Variants in SMAD2 observed in about 807,000 individuals in gnomAD.
The protein encoded by SMAD2 is SMAD family member 2.
SMAD2 carries 8 observed loss-of-function variants against 64.4 expected under a neutral mutation model. The observed-to-expected ratio is 0.12, with a 90% CI of 0.07 to 0.22. SMAD2 has a LOEUF of 0.22. Among genes scored for constraint, SMAD2 ranks in the 10% least tolerant of loss-of-function variants. SMAD2 has a pLI of 1.00. For synonymous variants in SMAD2, 203 were observed against 195.8 expected, an observed-to-expected ratio of 1.04 and a Z score of -0.31; for missense variants, 289 against 561.2, an observed-to-expected ratio of 0.51 and a Z score of 4.90.
rs991140384 is a variant in SMAD2 at position 47,821,064 on chromosome 18, C to T, written c.*20763G>A. 6 of 151,994 alleles carry T rather than the reference C, an allele frequency of 3.9e-5. No individual in the cohort carries two copies. Among genetic ancestry groups the T allele is most frequent in the Non-Finnish European group, 8.8e-5 (6 of 67,960 alleles). 9.4% of individuals were successfully genotyped at this position (151,994 alleles called of 1,614,324 possible). A position where few individuals can be genotyped will look rare whatever the true frequency, so the allele number is the denominator to read the frequency against. Reference sequence around the variant, plus strand: ...TTCTAAACCACAGTTTAAATTTCTGCCATATTTCCTTCTGAGATCCGTTTA... The same window carrying T: ...TTCTAAACCACAGTTTAAATTTCTGTCATATTTCCTTCTGAGATCCGTTTA... On this transcript the variant is annotated 3_prime_UTR_variant, in exon 11 of 11. Coordinates refer to ENST00000262160, the MANE Select transcript of SMAD2 (RefSeq NM_005901.6).
intron 6 of SMAD2, among the ~76,000 whole-genome samples, chr18:47,854,786 C>T (rs1286390747): frequency 6.6e-6 from 1 of 152,108 alleles, no homozygotes; most frequent in Non-Finnish European, 1.5e-5. Context: ...CCCTGCCCTG[C>T]TTCCCCAAAT....
At position 47,812,577 on chromosome 18, in the gene SMAD2, A is replaced by G. The variant is rs1204364465; in HGVS notation, c.*29250T>C. On this transcript the variant is annotated 3_prime_UTR_variant, in exon 11 of 11. Coordinates refer to ENST00000262160, the MANE Select transcript of SMAD2 (RefSeq NM_005901.6). ...CCATCAGATCCTGTGAGAATTCACTATCATGAGAACAGCATGGGAGAACCA... is the reference window on the plus strand; with the variant it reads ...CCATCAGATCCTGTGAGAATTCACTGTCATGAGAACAGCATGGGAGAACCA... 2 of 152,204 alleles carry G rather than the reference A, an allele frequency of 1.3e-5. No homozygotes were observed. The highest frequency in any genetic ancestry group is 1.3e-4 in the Admixed American group (2 of 15,282). 9.4% of individuals were successfully genotyped at this position (152,204 alleles called of 1,614,324 possible).
In SMAD2 at chr18:47,922,117, T is replaced by C. The variant is rs181144773; in HGVS notation, c.-54+8244A>G. On this transcript the variant is annotated intron_variant, in intron 1 of 10. Transcript: ENST00000262160. ...ATTAAATGTAGAAAGCAAAAGTAGATTGCACTTTTAAAAGGTATGGAGGGA... is the reference window on the plus strand; with the variant it reads ...ATTAAATGTAGAAAGCAAAAGTAGACTGCACTTTTAAAAGGTATGGAGGGA... Among the ~76,000 whole-genome samples, 649 of 152,330 alleles carry C rather than the reference T, an allele frequency of 4.3e-3. 17 individuals are homozygous for C. Among genetic ancestry groups the C allele is most frequent in the Admixed American group, 0.039 (604 of 15,304 alleles).
chr18:47,925,473 C>A (rs556105596), intron 1 of SMAD2, among the ~76,000 whole-genome samples: 1 of 152,256 alleles, frequency 6.6e-6, no homozygotes, highest in South Asian at 2.1e-4. Flanking sequence ...GCTATCTGAC[C>A]AAACTAAAGG....
chr18:47,915,413 A>T (rs1568112731), intron 1 of SMAD2, among the ~76,000 whole-genome samples: 2 of 152,210 alleles, frequency 1.3e-5, no homozygotes. Flanking sequence ...ATTCCATTTT[A>T]TGACTAGCAC....
In SMAD2 at chr18:47,824,014, T is replaced by C. The variant is rs1423426683; in HGVS notation, c.*17813A>G. 1 of 152,138 alleles carries C rather than the reference T, an allele frequency of 6.6e-6. No individual in the cohort carries two copies. The highest frequency in any genetic ancestry group is 1.5e-5 in the Non-Finnish European group (1 of 68,030). The allele number at this position is 152,138 out of a possible 1,614,324, so 9.4% of individuals were successfully genotyped here. A position where few individuals can be genotyped will look rare whatever the true frequency, so the allele number is the denominator to read the frequency against. On this transcript the variant is annotated 3_prime_UTR_variant, in exon 11 of 11. Coordinates refer to ENST00000262160, the MANE Select transcript of SMAD2 (RefSeq NM_005901.6). The stretch of plus-strand genomic sequence containing the variant: ...CTTAAAGCCTCCCTGCCCTCAAAGG[T>C]GGCTAAAAGGGTTTTAACACTGACT...
In SMAD2 at chr18:47,839,936, C is replaced by G. The variant is rs1913780095; in HGVS notation, c.*1891G>C. The G allele has an allele frequency of 4.3e-6, 1 of 233,046 alleles. No homozygotes were observed. Among genetic ancestry groups the G allele is most frequent in the Non-Finnish European group, 8.5e-6 (1 of 118,030 alleles). 14.4% of individuals were successfully genotyped at this position (233,046 alleles called of 1,614,324 possible). On this transcript the variant is annotated 3_prime_UTR_variant, in exon 11 of 11. Transcript: ENST00000262160. ...ATCTGTTATTCTCCAGTACAGTACC[C>G]TGTTTATCTCCTTCATAGACAAGTA...
At chr18:47,918,152 T>A (rs2034409700) in intron 1 of SMAD2, among the ~76,000 whole-genome samples, 1 of 152,228 alleles carries the variant, frequency 6.6e-6, no homozygotes, top group Non-Finnish European at 1.5e-5. Flanking sequence ...TTTCCGCCCC[T>A]ACTGTCTCTG....
At chr18:47,902,346 T>C (rs1312274411) in intron 1 of SMAD2, among the ~76,000 whole-genome samples, 4 of 152,230 alleles carry the variant, frequency 2.6e-5, no homozygotes, top group South Asian at 2.1e-4. Flanking sequence ...AGTTGTTTTA[T>C]TAAGAGTCTT....
rs1913910540 is a variant in SMAD2, at chr18:47,841,143, G to GT, written c.*683dup. The stretch of plus-strand genomic sequence containing the variant: ...GGTTTCCTTATAATAAGATTTAGCA[G>GT]TTAAAAAAAAAAACAAAAAAAAACA... On this transcript the variant is annotated 3_prime_UTR_variant, in exon 11 of 11. Coordinates refer to ENST00000262160, the MANE Select transcript of SMAD2 (RefSeq NM_005901.6). The GT allele has an allele frequency of 2.3e-5, 5 of 217,540 alleles. No homozygotes were observed. In the East Asian group the frequency reaches 3.1e-4, roughly 14 times the overall value. 13.5% of individuals were successfully genotyped at this position (217,540 alleles called of 1,614,324 possible). A position where few individuals can be genotyped will look rare whatever the true frequency, so the allele number is the denominator to read the frequency against.
rs749771211 is a variant in SMAD2 at position 47,833,597 on chromosome 18, C to T, written c.*8230G>A. ...ATGCCATCAGAGAAAAAAAATCTCACCTCACGTGCTCAATGTTCTAGCTGG... is the reference window on the plus strand; with the variant it reads ...ATGCCATCAGAGAAAAAAAATCTCATCTCACGTGCTCAATGTTCTAGCTGG... On this transcript the variant is annotated 3_prime_UTR_variant, in exon 11 of 11. Coordinates refer to ENST00000262160, the MANE Select transcript of SMAD2 (RefSeq NM_005901.6). 4.3e-6 allele frequency: 1 copy of T among 230,888 alleles called. No homozygotes were observed. Among genetic ancestry groups the T allele is most frequent in the Non-Finnish European group, 8.6e-6 (1 of 116,538 alleles). The allele number at this position is 230,888 out of a possible 1,614,324, so 14.3% of individuals were successfully genotyped here.
chr18:47,837,962 G>A lies in SMAD2; in HGVS notation c.*3865C>T, dbSNP rs1018250416. 4.7e-5 allele frequency: 11 copies of A among 232,330 alleles called. No individual in the cohort carries two copies. The highest frequency in any genetic ancestry group is 3.6e-4 in the South Asian group (2 of 5,514). The allele number at this position is 232,330 out of a possible 1,614,324, so 14.4% of individuals were successfully genotyped here. On this transcript the variant is annotated 3_prime_UTR_variant, in exon 11 of 11. Coordinates refer to ENST00000262160, the MANE Select transcript of SMAD2 (RefSeq NM_005901.6). Reference sequence around the variant, plus strand: ...CCTACGCCACCCTCAGACGAAGAGGGTATCTAACACTGAATAAATGCTGAA... The same window carrying A: ...CCTACGCCACCCTCAGACGAAGAGGATATCTAACACTGAATAAATGCTGAA...
intron 1 of SMAD2, among the ~76,000 whole-genome samples, chr18:47,905,770 A>C (rs1322226708): frequency 6.6e-6 from 1 of 152,206 alleles, no homozygotes; most frequent in African/African-American, 2.4e-5. Flanking sequence ...AGAGGAAAAC[A>C]CAGAATACAT....
chr18:47,830,479 A>C lies in SMAD2; in HGVS notation c.*11348T>G, dbSNP rs1912942773. 6.6e-6 allele frequency: 1 copy of C among 151,284 alleles called. No homozygotes were observed. Among genetic ancestry groups the C allele is most frequent in the South Asian group, 2.1e-4 (1 of 4,772 alleles). 9.4% of individuals were successfully genotyped at this position (151,284 alleles called of 1,614,324 possible). ...GTAATCCCAGCTACTCAGGAGGCTA[A>C]GGCAGGAGAATCACTTGAACCCAGG... On this transcript the variant is annotated 3_prime_UTR_variant, in exon 11 of 11. Transcript: ENST00000262160.
chr18:47,892,950 A>G (rs79075427), intron 2 of SMAD2, among the ~76,000 whole-genome samples: 3,441 of 152,294 alleles, frequency 0.023, 126 homozygotes, highest in African/African-American at 0.078. Context: ...TTTTAACTTT[A>G]CAGACCTCCA....
rs186082445 is a variant in SMAD2 at position 47,874,574 on chromosome 18, A to T, written c.237-4010T>A. Among the ~76,000 whole-genome samples the T allele has an allele frequency of 1.7e-4, 26 of 152,312 alleles. No individual in the cohort carries two copies. The East Asian group carries it at 5.0e-3, about 29-fold the overall frequency. On this transcript the variant is annotated intron_variant, in intron 2 of 10. Coordinates refer to ENST00000262160, the MANE Select transcript of SMAD2 (RefSeq NM_005901.6). ...AAAAACACAAAAGAATGCAAAGAAA[A>T]GTAAAAACCAAAACAGAAAAAGTCC...
rs1009084987 is a variant in SMAD2, at chr18:47,868,795, C to T, written c.521-338G>A. ...TCAGATATAGGAAATTTTCCAAAAA[C>T]GCAGCTACTGCTATATTTTTTAATA... On this transcript the variant is annotated intron_variant, in intron 4 of 10. Transcript: ENST00000262160. 1.1e-3 allele frequency among the ~76,000 whole-genome samples: 169 copies of T among 152,194 alleles called. 1 individual carries two copies. The highest frequency in any genetic ancestry group is 3.9e-3 in the African/African-American group (164 of 41,534).
At chr18:47,880,149 T>C (rs2032502353) in intron 2 of SMAD2, among the ~76,000 whole-genome samples, 1 of 152,238 alleles carries the variant, frequency 6.6e-6, no homozygotes, top group South Asian at 2.1e-4. Context: ...ATGTTTTGTA[T>C]ACCAATGGAG....
At position 47,819,749 on chromosome 18, in the gene SMAD2, T is replaced by C. The variant is rs1321965518; in HGVS notation, c.*22078A>G. 7.5e-6 allele frequency: 1 copy of C among 134,218 alleles called. No individual in the cohort carries two copies. The highest frequency in any genetic ancestry group is 1.5e-5 in the Non-Finnish European group (1 of 65,798). 8.3% of individuals were successfully genotyped at this position (134,218 alleles called of 1,614,324 possible). A position where few individuals can be genotyped will look rare whatever the true frequency, so the allele number is the denominator to read the frequency against. On this transcript the variant is annotated 3_prime_UTR_variant, in exon 11 of 11. Coordinates refer to ENST00000262160, the MANE Select transcript of SMAD2 (RefSeq NM_005901.6). Reference sequence around the variant, plus strand: ...AGGCGGAGCTTGCAGTGAGCCGAGATCACGCCACTGCACTCCAGCCTGGGT... The same window carrying C: ...AGGCGGAGCTTGCAGTGAGCCGAGACCACGCCACTGCACTCCAGCCTGGGT...
Sources: allele counts gnomAD v4.1 joint callset (sites outside exome capture counted in the v4.1 genomes callset), GRCh38; gene constraint gnomAD v4.1.1; transcripts MANE v1.5; gene names NCBI Gene and HGNC (gene_info 2026-07-23, HGNC 2026-07-21).